The following ESYT2 variants were observed in gnomAD, a reference collection of about 807,000 sequenced individuals.
ESYT2 encodes the protein extended synaptotagmin 2, also known as extended synaptotagmin-2.
A neutral mutation model predicts 107.2 loss-of-function variants in ESYT2; 54 were observed. The observed-to-expected ratio is 0.50, with a 90% confidence interval of 0.40 to 0.63. The LOEUF is 0.63. Ranked by LOEUF, ESYT2 falls within the 30% of genes least tolerant of loss-of-function variation. The pLI, the probability that ESYT2 is intolerant of heterozygous loss-of-function variation, is 0.00. For synonymous variants in ESYT2, 491 were observed against 434.1 expected (o/e 1.13, Z -1.63); for missense variants, 1,020 against 1,094.5 (o/e 0.93, Z 0.96).
intron 13 of ESYT2, among the ~76,000 whole-genome samples, chr7:158,759,261 T>C (rs562886646): frequency 6.6e-6 from 1 of 152,378 alleles, no homozygotes; most frequent in African/African-American, 2.4e-5. Flanking sequence ...CTTCTTTTCC[T>C]ATGTACTGCA....
chr7:158,750,886 TAGCTCGTGGC>T (rs1837563521), intron 14 of ESYT2, among the ~76,000 whole-genome samples: 2 of 152,154 alleles, frequency 1.3e-5, no homozygotes, highest in African/African-American at 4.8e-5. Context: ...GAGCCACAGG[TAGCTCGTGGC>T]AGATCCCCAG....
intron 5 of ESYT2, 97 bp from the exon 6 acceptor site, chr7:158,788,190 C>A (rs1383280436): frequency 8.4e-7 from 1 of 1,188,620 alleles, no homozygotes; most frequent in African/African-American, 1.5e-5. Context: ...AACTTTTGAG[C>A]ATGTGACTTC....
intron 13 of ESYT2, among the ~76,000 whole-genome samples, chr7:158,754,345 T>G (rs1356411031): frequency 2.6e-5 from 4 of 152,132 alleles, no homozygotes; most frequent in Non-Finnish European, 5.9e-5. Context: ...AAGCTGGGAC[T>G]ACAGGCATGC....
intron 1 of ESYT2, among the ~76,000 whole-genome samples, chr7:158,814,185 A>T (rs1376477047): frequency 6.6e-6 from 1 of 151,342 alleles, no homozygotes; most frequent in African/African-American, 2.4e-5. Context: ...GAGGCAGGAG[A>T]ATGGCATGAA....
At chr7:158,828,120 C>A (rs1273931342) in intron 1 of ESYT2, among the ~76,000 whole-genome samples, 1 of 152,050 alleles carries the variant, frequency 6.6e-6, no homozygotes, top group African/African-American at 2.4e-5. Flanking sequence ...ATTATACTTG[C>A]AAAAAAACTG....
At chr7:158,772,724 G>A (rs1426550804) in intron 7 of ESYT2, among the ~76,000 whole-genome samples, 1 of 151,990 alleles carries the variant, frequency 6.6e-6, no homozygotes, top group Admixed American at 6.6e-5. Flanking sequence ...TGCTTGTTAT[G>A]GAACATTTTT....
At chr7:158,748,538 G>A (rs111930311) in intron 15 of ESYT2, among the ~76,000 whole-genome samples, 8 of 151,996 alleles carry the variant, frequency 5.3e-5, no homozygotes, top group Non-Finnish European at 1.0e-4. Flanking sequence ...CAACCTGTGC[G>A]CCCACAGATA....
Position 158,735,564 on chromosome 7 carries a change from A to C in ESYT2, c.2444T>G (p.Leu815Arg). 1 of 1,614,168 alleles carries C rather than the reference A, an allele frequency of 6.2e-7. No individual in the cohort carries two copies. The highest frequency in any genetic ancestry group is 8.5e-7 in the Non-Finnish European group (1 of 1,179,996). Residue 815 changes from leucine to arginine, a missense_variant, in exon 21 of 23, where the codon CTC becomes CGC. Transcript: ENST00000275418. The part of the protein sequence containing the change: ...VSLPEVQRRT[L>R]DVAVKNSGGF... ...GCCACTGTTCTTCACGGCAACGTCGAGCGTTCTCCTCTGCACTTCTGGTAA... is the reference window on the plus strand; with the variant it reads ...GCCACTGTTCTTCACGGCAACGTCGCGCGTTCTCCTCTGCACTTCTGGTAA...
At chr7:158,823,957 AT>A (rs1174347835) in intron 1 of ESYT2, among the ~76,000 whole-genome samples, 1 of 152,210 alleles carries the variant, frequency 6.6e-6, no homozygotes, top group African/African-American at 2.4e-5. Flanking sequence ...CCATCCTTAA[AT>A]GTAGAATGAT....
At chr7:158,762,964 A>G in intron 10 of ESYT2, 119 bp downstream of exon 10, 1 of 613,864 alleles carries the variant, frequency 1.6e-6, no homozygotes, top group Non-Finnish European at 2.7e-6. Context: ...GTTATATCTA[A>G]GAACCATTTA....
chr7:158,755,399 C>T (rs1475138180), intron 13 of ESYT2, among the ~76,000 whole-genome samples: 1 of 152,134 alleles, frequency 6.6e-6, no homozygotes. Context: ...TTGGATAATG[C>T]TGCAGGAAAG....
chr7:158,772,862 C>T (rs1415838451), intron 7 of ESYT2, among the ~76,000 whole-genome samples: 4 of 146,810 alleles, frequency 2.7e-5, no homozygotes, highest in African/African-American at 1.0e-4. Flanking sequence ...ACACTGTCCC[C>T]AACCCATTTC....
At chr7:158,828,724 C>A (rs1840530006) in intron 1 of ESYT2, among the ~76,000 whole-genome samples, 1 of 152,114 alleles carries the variant, frequency 6.6e-6, no homozygotes, top group African/African-American at 2.4e-5. Context: ...CGGCCCCAGG[C>A]GGACAGGTTC....
At position 158,764,674 on chromosome 7, in the gene ESYT2, C is replaced by A. The variant is rs1234465462; in HGVS notation, c.1101+3G>T. On this transcript the variant is annotated splice_donor_region_variant and intron_variant, in intron 9 of 22. Coordinates refer to ENST00000275418, the MANE Select transcript of ESYT2 (RefSeq NM_001367773.1). ...CAGCAACACAGCAGACACGACACCCCACCTCATAGACTTCATTCCACTTTG... is the reference window on the plus strand; with the variant it reads ...CAGCAACACAGCAGACACGACACCCAACCTCATAGACTTCATTCCACTTTG... The A allele has an allele frequency of 6.2e-7, 1 of 1,613,574 alleles. No homozygotes were observed. The highest frequency in any genetic ancestry group is 8.5e-7 in the Non-Finnish European group (1 of 1,179,680).
intron 1 of ESYT2, among the ~76,000 whole-genome samples, chr7:158,809,281 T>G (rs911875040): frequency 6.6e-5 from 10 of 151,558 alleles, no homozygotes; most frequent in South Asian, 2.1e-4. Context: ...ATCAAGACCA[T>G]CCTGGCCAAC....
chr7:158,800,316 A>G (rs1433200412), intron 1 of ESYT2, among the ~76,000 whole-genome samples: 2 of 151,988 alleles, frequency 1.3e-5, no homozygotes, highest in East Asian at 1.9e-4. Flanking sequence ...CAAAGTGCTG[A>G]GATTATAGGT....
rs985401005 is a variant in ESYT2 at position 158,748,343 on chromosome 7, T to C, written c.1558-63A>G. On this transcript the variant is annotated intron_variant, in intron 15 of 22. Coordinates refer to ENST00000275418, the MANE Select transcript of ESYT2 (RefSeq NM_001367773.1). ...CTGTGGAAAAGGGCTACTCATTTTA[T>C]GTGTTTAGAAGCTTAGAATGAAAAA... 1.2e-5 allele frequency: 16 copies of C among 1,281,142 alleles called. No individual in the cohort carries two copies. The Admixed American group carries it at 1.3e-4, about 10-fold the overall frequency. 79.4% of individuals were successfully genotyped at this position (1,281,142 alleles called of 1,614,324 possible).
chr7:158,779,404 A>G (rs1222061607), intron 6 of ESYT2, among the ~76,000 whole-genome samples: 1 of 152,230 alleles, frequency 6.6e-6, no homozygotes, highest in African/African-American at 2.4e-5. Flanking sequence ...GAAAAAAAGA[A>G]GCCAAACAGA....
At chr7:158,736,511 C>G (rs1235912717) in intron 20 of ESYT2, among the ~76,000 whole-genome samples, 2 of 152,132 alleles carry the variant, frequency 1.3e-5, no homozygotes, top group Admixed American at 1.3e-4. Context: ...AGGAGGTCAC[C>G]AAATCACCCT....
Sources: allele counts gnomAD v4.1 joint callset (sites outside exome capture counted in the v4.1 genomes callset), GRCh38; gene constraint gnomAD v4.1.1; transcripts MANE v1.5; gene names NCBI Gene and HGNC (gene_info 2026-07-23, HGNC 2026-07-21).